The following IL1RL1 variants were observed in gnomAD, a reference collection of about 807,000 sequenced individuals.
The protein encoded by IL1RL1 is interleukin-1 receptor-like 1.
Under a neutral mutation model 50.9 loss-of-function variants are expected in IL1RL1, and 32 were observed. That is an observed-to-expected ratio of 0.63 (90% CI 0.47 to 0.84). The LOEUF (loss-of-function observed/expected upper bound fraction) is 0.84, where lower values mean the gene tolerates loss of function less well. Ranked by LOEUF, IL1RL1 falls within the 40% of genes least tolerant of loss-of-function variation. The pLI is 0.00. For missense variants in IL1RL1, 773 were observed against 662.9 expected (o/e 1.17, Z -1.82); for synonymous variants, 275 against 236.0 (o/e 1.17, Z -1.51).
intron 1 of IL1RL1, among the ~76,000 whole-genome samples, chr2:102,312,625 T>C (rs1461645499): frequency 6.6e-6 from 1 of 151,880 alleles, no homozygotes; most frequent in Admixed American, 6.6e-5. Flanking sequence ...AGCAGGGTCA[T>C]ACCCATCTGC....
intron 1 of IL1RL1, among the ~76,000 whole-genome samples, chr2:102,323,052 G>C (rs1011084212): frequency 2.0e-5 from 3 of 151,746 alleles, no homozygotes; most frequent in African/African-American, 4.8e-5. Flanking sequence ...TTTCATTGCT[G>C]AGTAGTTTAC....
chr2:102,344,612 A>G (rs189476163), intron 8 of IL1RL1: 2 of 285,570 alleles, frequency 7.0e-6, no homozygotes, highest in Non-Finnish European at 1.1e-5. Flanking sequence ...TGCAAGCTCC[A>G]TGAGGGCAGG....
chr2:102,323,273 A>ATAGT (rs1303334375), intron 1 of IL1RL1, among the ~76,000 whole-genome samples: 27 of 48,488 alleles, frequency 5.6e-4, no homozygotes, highest in South Asian at 1.3e-3. Flanking sequence ...ATATATATAT[A>ATAGT]GTGTGTGTGT....
chr2:102,311,905 G>A (rs12996984), intron 1 of IL1RL1, among the ~76,000 whole-genome samples: 72 of 18,972 alleles, frequency 3.8e-3, no homozygotes, highest in African/African-American at 6.8e-3. Context: ...TATCATATAT[G>A]TTATATATTT....
chr2:102,351,998 G>GT lies in IL1RL1; in HGVS notation c.*77_*78insT. 1 of 1,326,918 alleles carries GT rather than the reference G, an allele frequency of 7.5e-7. No individual in the cohort carries two copies. 82.2% of individuals were successfully genotyped at this position (1,326,918 alleles called of 1,614,324 possible). A position where few individuals can be genotyped will look rare whatever the true frequency, so the allele number is the denominator to read the frequency against. ...CCTAGCTGGCTTATGCCCCTGCACT[G>GT]AAGTGTGAGGAGCAGGAATATTAAA... On this transcript the variant is annotated 3_prime_UTR_variant, in exon 11 of 11. Coordinates refer to ENST00000233954, the MANE Select transcript of IL1RL1 (RefSeq NM_016232.5).
intron 4 of IL1RL1, 113 bp downstream of exon 4, chr2:102,340,385 G>A (rs1293141625): frequency 2.2e-6 from 2 of 892,742 alleles, no homozygotes; most frequent in Non-Finnish European, 3.4e-6. Flanking sequence ...GGCCAAGGCA[G>A]GCAGATCACT....
At chr2:102,340,917 T>C in intron 5 of IL1RL1, 89 bp downstream of exon 5, 1 of 984,426 alleles carries the variant, frequency 1.0e-6, no homozygotes, top group Non-Finnish European at 1.5e-6. Context: ...TTTCTTGCAC[T>C]TCTCCCTCCT....
chr2:102,336,564 A>C (rs6734674), intron 1 of IL1RL1, among the ~76,000 whole-genome samples: 26 of 152,284 alleles, frequency 1.7e-4, no homozygotes, highest in Non-Finnish European at 2.5e-4. Context: ...TTTGCTTTTC[A>C]AGTTTGTTTT....
chr2:102,318,764 G>T (rs1455058117), intron 1 of IL1RL1, among the ~76,000 whole-genome samples: 1 of 152,132 alleles, frequency 6.6e-6, no homozygotes, highest in African/African-American at 2.4e-5. Flanking sequence ...AGATGTTGGA[G>T]AAATTGTTCC....
At chr2:102,312,615 AGCAGGGTCATACCCATCT>A (rs1009882217) in intron 1 of IL1RL1, among the ~76,000 whole-genome samples, 1 of 152,140 alleles carries the variant, frequency 6.6e-6, no homozygotes. Flanking sequence ...GGGGTGAGGA[AGCAGGGTCATACCCATCT>A]GCAAGAAGAA....
chr2:102,337,801 T>G (rs918346196), intron 1 of IL1RL1, among the ~76,000 whole-genome samples: 12 of 148,868 alleles, frequency 8.1e-5, no homozygotes, highest in South Asian at 4.2e-4. Context: ...AATTTTATGG[T>G]TTTTTTTTCA....
intron 3 of IL1RL1, among the ~76,000 whole-genome samples, chr2:102,339,687 T>A (rs1196958211): frequency 6.6e-6 from 1 of 152,222 alleles, no homozygotes; most frequent in African/African-American, 2.4e-5. Context: ...TTTCCTTCTC[T>A]GTAAAATGCA....
At chr2:102,312,002 T>TATATAATATATATTATATATAATATATA (rs796738532) in intron 1 of IL1RL1, among the ~76,000 whole-genome samples, 1 of 28,538 alleles carries the variant, frequency 3.5e-5, no homozygotes, top group Non-Finnish European at 5.7e-5. Context: ...ATATAATATA[T>TATATAATATATATTATATATAATATATA]TTATATATAT....
intron 1 of IL1RL1, among the ~76,000 whole-genome samples, chr2:102,318,733 T>C (rs1676749551): frequency 6.6e-6 from 1 of 152,124 alleles, no homozygotes; most frequent in South Asian, 2.1e-4. Flanking sequence ...TGTGAAGCAG[T>C]AGCCTGTGGG....
At chr2:102,330,208 G>C (rs1316967439) in intron 1 of IL1RL1, among the ~76,000 whole-genome samples, 1 of 152,108 alleles carries the variant, frequency 6.6e-6, no homozygotes, top group Non-Finnish European at 1.5e-5. Flanking sequence ...GATGAAACTG[G>C]AAACCATCAT....
At chr2:102,332,669 G>A (rs1288268278) in intron 1 of IL1RL1, among the ~76,000 whole-genome samples, 1 of 152,106 alleles carries the variant, frequency 6.6e-6, no homozygotes, top group African/African-American at 2.4e-5. Context: ...GGAAGAATGG[G>A]GACTTCATGT....
chr2:102,341,333 CT>C, intron 5 of IL1RL1: 1 of 1,235,774 alleles, frequency 8.1e-7, no homozygotes, highest in South Asian at 1.5e-5. Context: ...GTTTGCAATA[CT>C]TTCAACATCA....
chr2:102,329,410 A>G (rs553798687), intron 1 of IL1RL1, among the ~76,000 whole-genome samples: 10 of 152,354 alleles, frequency 6.6e-5, no homozygotes, highest in Non-Finnish European at 7.3e-5. Flanking sequence ...AGGCAATACC[A>G]TTCAGGACAT....
intron 1 of IL1RL1, among the ~76,000 whole-genome samples, chr2:102,335,386 G>GA (rs1451240977): frequency 8.7e-6 from 1 of 115,052 alleles, no homozygotes; most frequent in African/African-American, 3.0e-5. Flanking sequence ...TTGACATTGG[G>GA]GGGAGAAAAG....
Sources: gnomAD v4.1 joint callset for allele counts (sites outside exome capture counted in the v4.1 genomes callset) on GRCh38, gnomAD v4.1.1 for gene constraint, MANE v1.5 for transcripts, NCBI Gene and HGNC (gene_info 2026-07-23, HGNC 2026-07-21) for gene names.